GALNT13: variants seen among roughly 807,000 people sequenced by gnomAD.
GALNT13 encodes the protein polypeptide N-acetylgalactosaminyltransferase 13, also known as UDP-GalNAc:polypeptide N-acetylgalactosaminyltransferase 13.
A neutral mutation model predicts 64.2 loss-of-function variants in GALNT13; 28 were observed. That is an observed-to-expected ratio of 0.44 (90% CI 0.32 to 0.60). The LOEUF is 0.60. Among genes scored for constraint, GALNT13 ranks in the 20% least tolerant of loss-of-function variants. The pLI is 0.05. For missense variants in GALNT13, 577 were observed against 669.8 expected (o/e 0.86, Z 1.53); for synonymous variants, 214 against 224.6 (o/e 0.95, Z 0.42).
At chr2:153,178,732 C>CTTTTT in the GALNT13 span, among the ~76,000 whole-genome samples, 33 of 98,392 alleles carry the variant, frequency 3.4e-4, no homozygotes, top group South Asian at 6.9e-4. Context: ...TTCTCTTCTT[C>CTTTTT]TTTTTTTTTT....
At chr2:153,397,768 T>C in the GALNT13 span, among the ~76,000 whole-genome samples, 66 of 152,188 alleles carry the variant, frequency 4.3e-4, no homozygotes, top group Admixed American at 8.5e-4. Context: ...CGGTCTTCCA[T>C]CCTAGCAGAA....
At chr2:153,425,433 A>G in the GALNT13 span, among the ~76,000 whole-genome samples, 1 of 151,698 alleles carries the variant, frequency 6.6e-6, no homozygotes, top group African/African-American at 2.4e-5. Flanking sequence ...GTTTCAGTGA[A>G]TGTGTGAAAT....
At chr2:153,606,229 G>A in the GALNT13 span, among the ~76,000 whole-genome samples, 1 of 152,030 alleles carries the variant, frequency 6.6e-6, no homozygotes, top group African/African-American at 2.4e-5. Context: ...TTGTATGGGT[G>A]TACATACGTA....
chr2:153,576,910 T>A, the GALNT13 span, among the ~76,000 whole-genome samples: 5 of 152,188 alleles, frequency 3.3e-5, no homozygotes, highest in African/African-American at 1.2e-4. Context: ...TTGTTAGTGT[T>A]TTTTATATCT....
At chr2:153,197,629 C>T in the GALNT13 span, among the ~76,000 whole-genome samples, 1 of 152,256 alleles carries the variant, frequency 6.6e-6, no homozygotes, top group African/African-American at 2.4e-5. Context: ...GACCAACACC[C>T]ATGCCCCAGG....
intron 3 of GALNT13, among the ~76,000 whole-genome samples, chr2:154,093,982 T>A (rs1701951284): frequency 6.6e-6 from 1 of 151,732 alleles, no homozygotes; most frequent in African/African-American, 2.4e-5. Flanking sequence ...GGTATGATGG[T>A]TTTGGTGCAT....
the GALNT13 span, among the ~76,000 whole-genome samples, chr2:153,530,345 A>G: frequency 6.6e-6 from 1 of 152,146 alleles, no homozygotes; most frequent in Non-Finnish European, 1.5e-5. Context: ...TGAAAACTCT[A>G]AAATATTGAT....
chr2:153,823,496 T>A, the GALNT13 span, among the ~76,000 whole-genome samples: 2 of 151,984 alleles, frequency 1.3e-5, no homozygotes, highest in South Asian at 4.2e-4. Flanking sequence ...CTTGACAAAG[T>A]TGACAAAAGC....
At chr2:153,954,671 T>A (rs1312869805) in intron 3 of GALNT13, among the ~76,000 whole-genome samples, 2 of 151,668 alleles carry the variant, frequency 1.3e-5, no homozygotes, top group East Asian at 3.9e-4. Flanking sequence ...CTAGGTGCTT[T>A]ACAAGCAATA....
intron 3 of GALNT13, among the ~76,000 whole-genome samples, chr2:154,128,245 T>G (rs1482713254): frequency 2.0e-5 from 3 of 152,080 alleles, no homozygotes; most frequent in Non-Finnish European, 4.4e-5. Flanking sequence ...GCATACTCAG[T>G]AAACACTTAT....
chr2:153,463,209 T>C, the GALNT13 span, among the ~76,000 whole-genome samples: 2 of 152,048 alleles, frequency 1.3e-5, no homozygotes, highest in Admixed American at 6.6e-5. Context: ...GAGAATTGCA[T>C]AGTGAAGAAA....
the GALNT13 span, among the ~76,000 whole-genome samples, chr2:153,173,800 A>G: frequency 6.6e-6 from 1 of 152,114 alleles, no homozygotes; most frequent in Non-Finnish European, 1.5e-5. Flanking sequence ...CTCATTATCT[A>G]AATCATTCAA....
At chr2:153,797,275 A>G in the GALNT13 span, among the ~76,000 whole-genome samples, 1 of 152,228 alleles carries the variant, frequency 6.6e-6, no homozygotes, top group African/African-American at 2.4e-5. Flanking sequence ...GTCCAGAAGC[A>G]TTGCAATTGG....
chr2:154,020,781 T>A (rs1448307908), intron 3 of GALNT13, among the ~76,000 whole-genome samples: 1 of 151,846 alleles, frequency 6.6e-6, no homozygotes, highest in Non-Finnish European at 1.5e-5. Flanking sequence ...TGCCCATGCC[T>A]ATGTCCTGAA....
the GALNT13 span, among the ~76,000 whole-genome samples, chr2:153,395,998 TGTTA>T: frequency 6.6e-6 from 1 of 152,250 alleles, no homozygotes; most frequent in South Asian, 2.1e-4. Context: ...TCAATTCTGA[TGTTA>T]TATTGTGAAA....
the GALNT13 span, among the ~76,000 whole-genome samples, chr2:153,183,095 C>T: frequency 6.6e-6 from 1 of 152,208 alleles, no homozygotes. Flanking sequence ...CTCTCACCAG[C>T]AGTGTAAAAG....
chr2:154,421,172 T>A (rs1700233411), intron 11 of GALNT13, among the ~76,000 whole-genome samples: 1 of 152,076 alleles, frequency 6.6e-6, no homozygotes, highest in African/African-American at 2.4e-5. Context: ...AAAGAAGACA[T>A]CTGAAAAAAT....
At chr2:154,031,970 A>G (rs938136737) in intron 3 of GALNT13, among the ~76,000 whole-genome samples, 2 of 151,924 alleles carry the variant, frequency 1.3e-5, no homozygotes, top group African/African-American at 4.8e-5. Context: ...AGCTAAAGCA[A>G]CTCTTCAAGG....
intron 3 of GALNT13, among the ~76,000 whole-genome samples, chr2:154,003,948 T>A (rs1574308819): frequency 6.6e-6 from 1 of 152,298 alleles, no homozygotes; most frequent in Middle Eastern, 3.4e-3. Context: ...TGTAGAACCC[T>A]GAGCCAATTA....
Sources: gnomAD v4.1 joint callset for allele counts (sites outside exome capture counted in the v4.1 genomes callset) on GRCh38, gnomAD v4.1.1 for gene constraint, MANE v1.5 for transcripts, NCBI Gene and HGNC (gene_info 2026-07-23, HGNC 2026-07-21) for gene names.